The following RPRD1A variants were observed in gnomAD, a reference collection of about 807,000 sequenced individuals.
The protein encoded by RPRD1A is regulation of nuclear pre-mRNA domain-containing protein 1A.
Under a neutral mutation model 37.8 loss-of-function variants are expected in RPRD1A, and 9 were observed. That is an observed-to-expected ratio of 0.24 (90% CI 0.14 to 0.42). RPRD1A has a LOEUF of 0.42. Among genes scored for constraint, RPRD1A ranks in the 10% least tolerant of loss-of-function variants. The pLI is 1.00. For missense variants in RPRD1A, 255 were observed against 371.0 expected, an observed-to-expected ratio of 0.69 and a Z score of 2.57; for synonymous variants, 138 against 139.7, an observed-to-expected ratio of 0.99 and a Z score of 0.08.
intron 1 of RPRD1A, among the ~76,000 whole-genome samples, chr18:36,046,039 T>C (rs1912928577): frequency 6.6e-6 from 1 of 152,214 alleles, no homozygotes; most frequent in African/African-American, 2.4e-5. Flanking sequence ...GTTAACTTTT[T>C]TAGGTGTGAT....
chr18:36,014,946 A>G (rs1377016098), intron 6 of RPRD1A, among the ~76,000 whole-genome samples: 1 of 152,062 alleles, frequency 6.6e-6, no homozygotes, highest in Non-Finnish European at 1.5e-5. Flanking sequence ...AGAAAACACC[A>G]AATGTTGGTG....
At chr18:36,037,437 G>T (rs188500268) in intron 1 of RPRD1A, among the ~76,000 whole-genome samples, 14 of 152,186 alleles carry the variant, frequency 9.2e-5, no homozygotes, top group Non-Finnish European at 1.9e-4. Context: ...TGTCATGATT[G>T]TAAGTTTCCT....
intron 6 of RPRD1A, among the ~76,000 whole-genome samples, chr18:36,022,954 T>G (rs1371831721): frequency 6.6e-6 from 1 of 152,160 alleles, no homozygotes; most frequent in African/African-American, 2.4e-5. Context: ...AACAAGAGAC[T>G]GTCTCCAAAA....
chr18:36,009,641 T>C (rs549824409), intron 6 of RPRD1A, among the ~76,000 whole-genome samples: 86 of 152,358 alleles, frequency 5.6e-4, no homozygotes, highest in South Asian at 1.2e-3. Flanking sequence ...CCTATGTCTC[T>C]ATTTACTTCA....
chr18:36,052,158 G>A (rs546524201), intron 1 of RPRD1A, among the ~76,000 whole-genome samples: 101 of 143,762 alleles, frequency 7.0e-4, no homozygotes, highest in Non-Finnish European at 9.8e-4. Flanking sequence ...CATCCTAACA[G>A]AAAAAAAAAA....
At chr18:36,009,193 G>T (rs757316553) in intron 6 of RPRD1A, among the ~76,000 whole-genome samples, 6 of 152,056 alleles carry the variant, frequency 3.9e-5, no homozygotes, top group Non-Finnish European at 7.3e-5. Context: ...AACCTACTTG[G>T]GCCGTCAGTA....
intron 6 of RPRD1A, among the ~76,000 whole-genome samples, chr18:36,008,569 T>TATATATATATATATATA (rs1555670660): frequency 0.016 from 871 of 56,020 alleles, 40 homozygotes; most frequent in Non-Finnish European, 0.019. Flanking sequence ...CAGCAAGACC[T>TATATATATATATATATA]TGTGTGTGTA....
At chr18:36,025,319 A>C in intron 6 of RPRD1A, 1 of 229,748 alleles carries the variant, frequency 4.4e-6, no homozygotes, top group Non-Finnish European at 8.7e-6. Context: ...TGCTTATGTG[A>C]AGTGCCTAGA....
intron 1 of RPRD1A, among the ~76,000 whole-genome samples, chr18:36,043,452 C>T (rs912455714): frequency 1.3e-5 from 2 of 151,914 alleles, no homozygotes; most frequent in Non-Finnish European, 2.9e-5. Context: ...TTCTAAAAGG[C>T]CAAAGGAAAT....
At chr18:36,054,862 G>GA (rs140858556) in intron 1 of RPRD1A, among the ~76,000 whole-genome samples, 25,685 of 145,406 alleles carry the variant, frequency 0.18, 2,284 homozygotes, top group East Asian at 0.25. Context: ...AAAAAAGAAA[G>GA]AAAAAAAAAA....
At chr18:36,022,169 T>C (rs1911038115) in intron 6 of RPRD1A, among the ~76,000 whole-genome samples, 1 of 152,208 alleles carries the variant, frequency 6.6e-6, no homozygotes, top group Admixed American at 6.5e-5. Flanking sequence ...TTCAATTCTA[T>C]GAAGCCTGAG....
chr18:36,048,227 T>A (rs1913104208), intron 1 of RPRD1A, among the ~76,000 whole-genome samples: 1 of 151,996 alleles, frequency 6.6e-6, no homozygotes, highest in African/African-American at 2.4e-5. Context: ...CCACCACACC[T>A]GGCTAATTTT....
intron 6 of RPRD1A, among the ~76,000 whole-genome samples, chr18:36,015,131 TACACACAC>T (rs201284977): frequency 3.2e-4 from 39 of 122,892 alleles, no homozygotes; most frequent in Non-Finnish European, 4.8e-4. Flanking sequence ...GGGTCTCACA[TACACACAC>T]ACACACACAC....
At chr18:36,053,464 G>A (rs1913541036) in intron 1 of RPRD1A, among the ~76,000 whole-genome samples, 1 of 152,056 alleles carries the variant, frequency 6.6e-6, no homozygotes, top group Non-Finnish European at 1.5e-5. Flanking sequence ...ATGTTTCTGA[G>A]GTTGCTCCAC....
At chr18:36,004,247 A>G (rs1273536522) in intron 6 of RPRD1A, among the ~76,000 whole-genome samples, 1 of 151,856 alleles carries the variant, frequency 6.6e-6, no homozygotes, top group Non-Finnish European at 1.5e-5. Context: ...ACACTGACAG[A>G]CTTCCAATCT....
intron 6 of RPRD1A, among the ~76,000 whole-genome samples, chr18:35,996,977 CAAAAAAAAAAAAAAA>C (rs200694089): frequency 3.6e-5 from 2 of 55,610 alleles, no homozygotes; most frequent in Non-Finnish European, 3.6e-5. Flanking sequence ...GACCCTGTCT[CAAAAAAAAAAAAAAA>C]AAAAAAAAAA....
rs1281826036 is a variant in RPRD1A, at chr18:35,992,570, C to T, written c.*581G>A. 1.3e-5 allele frequency: 2 copies of T among 152,168 alleles called. No individual in the cohort carries two copies. Among genetic ancestry groups the T allele is most frequent in the Admixed American group, 6.5e-5 (1 of 15,280 alleles). The allele number at this position is 152,168 out of a possible 1,614,324, so 9.4% of individuals were successfully genotyped here. Reference sequence around the variant, plus strand: ...ATTAAGGAACAGTTCTCTAGACTTTCATCTGCCCCTCAAAGTGACATCCCT... The same window carrying T: ...ATTAAGGAACAGTTCTCTAGACTTTTATCTGCCCCTCAAAGTGACATCCCT... On this transcript the variant is annotated 3_prime_UTR_variant, in exon 7 of 7. Coordinates refer to ENST00000399022, the MANE Select transcript of RPRD1A (RefSeq NM_018170.5).
intron 1 of RPRD1A, among the ~76,000 whole-genome samples, chr18:36,050,001 G>GCCATT (rs1316104366): frequency 6.6e-6 from 1 of 152,048 alleles, no homozygotes; most frequent in African/African-American, 2.4e-5. Context: ...TTTGATAATA[G>GCCATT]CCATTCTAAT....
At chr18:36,039,975 A>C (rs577081050) in intron 1 of RPRD1A, among the ~76,000 whole-genome samples, 1 of 152,310 alleles carries the variant, frequency 6.6e-6, no homozygotes, top group African/African-American at 2.4e-5. Flanking sequence ...TGTACAAGAA[A>C]ATCAGGAGAA....
Sources: gnomAD v4.1 joint callset for allele counts (sites outside exome capture counted in the v4.1 genomes callset) on GRCh38, gnomAD v4.1.1 for gene constraint, MANE v1.5 for transcripts, NCBI Gene and HGNC (gene_info 2026-07-23, HGNC 2026-07-21) for gene names.